DMD: variants seen among roughly 807,000 people sequenced by gnomAD.
DMD encodes the protein mutant dystrophin.
In DMD, 63 loss-of-function variants were observed where a neutral mutation model predicts 330.1. The ratio of observed to expected loss-of-function variants is 0.19; its 90% CI spans 0.16 to 0.24. The LOEUF is 0.24. DMD is among the 10% of genes least tolerant of loss of function. DMD has a pLI of 1.00. For missense variants in DMD, 3,344 were observed against 2,684.1 expected, an observed-to-expected ratio of 1.25 and a Z score of -5.43; for synonymous variants, 1,223 against 959.8, an observed-to-expected ratio of 1.27 and a Z score of -5.07.
chrX:31,496,043 A>C (rs749363925), intron 57 of DMD, among the ~76,000 whole-genome samples: 2 of 112,091 alleles, frequency 1.8e-5, no homozygotes, highest in African/African-American at 6.5e-5. Flanking sequence ...TGACAATAAG[A>C]ATTGTACTAC....
intron 21 of DMD, among the ~76,000 whole-genome samples, chrX:32,475,522 G>A (rs932618766): frequency 2.7e-5 from 3 of 111,554 alleles, no homozygotes; most frequent in Non-Finnish European, 5.7e-5. Context: ...TGTCATCTAT[G>A]ATTTCTTTCA....
chrX:31,927,949 A>T (rs1405832159), intron 47 of DMD, among the ~76,000 whole-genome samples: 1 of 112,291 alleles, frequency 8.9e-6, no homozygotes, highest in Non-Finnish European at 1.9e-5. Flanking sequence ...TCTAAAATTT[A>T]TTCAAAGAAC....
chrX:32,854,780 TACTC>T, intron 2 of DMD, among the ~76,000 whole-genome samples: 1 of 111,117 alleles, frequency 9.0e-6, no homozygotes, highest in Non-Finnish European at 1.9e-5. Context: ...AAACACCTAA[TACTC>T]AAACTATTGT....
At chrX:31,893,537 C>G (rs373064116) in intron 47 of DMD, among the ~76,000 whole-genome samples, 60 of 103,881 alleles carry the variant, frequency 5.8e-4, no homozygotes, top group African/African-American at 1.9e-3. Flanking sequence ...AAAGGAAGAG[C>G]TGTACTTGAA....
intron 1 of DMD, among the ~76,000 whole-genome samples, chrX:33,102,317 T>G (rs1348908082): frequency 7.2e-4 from 6 of 8,290 alleles, no homozygotes; most frequent in East Asian, 0.091. Flanking sequence ...GTTTTTTTTG[T>G]TTTTTTTTTT....
intron 18 of DMD, among the ~76,000 whole-genome samples, chrX:32,514,670 G>A (rs1334615340): frequency 1.8e-5 from 2 of 112,517 alleles, no homozygotes; most frequent in East Asian, 2.8e-4. Context: ...GAACCCGGGA[G>A]GCAGAGCTTG....
intron 61 of DMD, among the ~76,000 whole-genome samples, chrX:31,344,233 C>T (rs1485754651): frequency 1.8e-5 from 2 of 111,393 alleles, no homozygotes; most frequent in African/African-American, 3.3e-5. Flanking sequence ...AAAAGGCTTA[C>T]GAATGTAAAC....
At chrX:33,207,352 A>G (rs7884820) in intron 1 of DMD, among the ~76,000 whole-genome samples, 2,788 of 111,148 alleles carry the variant, frequency 0.025, 83 homozygotes, top group African/African-American at 0.087. Flanking sequence ...TATATGAGGG[A>G]AACAGACTTT....
intron 7 of DMD, among the ~76,000 whole-genome samples, chrX:32,763,084 C>T (rs893465586): frequency 9.0e-5 from 10 of 111,174 alleles, no homozygotes; most frequent in East Asian, 5.7e-4. Flanking sequence ...GGAGTGCTAC[C>T]GCTGTACACA....
At chrX:33,051,832 A>G (rs2094461876) in intron 1 of DMD, among the ~76,000 whole-genome samples, 1 of 108,760 alleles carries the variant, frequency 9.2e-6, no homozygotes, top group Non-Finnish European at 1.9e-5. Flanking sequence ...TATTTTTAGT[A>G]GAGACGGGGT....
intron 44 of DMD, chrX:32,205,961 C>T (rs150707121): frequency 0.015 from 6,103 of 406,814 alleles, 228 homozygotes; most frequent in African/African-American, 0.11. Context: ...AACTAAAGGC[C>T]GACAAAGATG....
intron 49 of DMD, among the ~76,000 whole-genome samples, chrX:31,834,948 C>T (rs1331585030): frequency 8.9e-6 from 1 of 111,739 alleles, no homozygotes; most frequent in Non-Finnish European, 1.9e-5. Context: ...AGCAACAGCT[C>T]CTGGTTCTTT....
Position 32,217,036 on chromosome X carries a change from C to A in DMD, c.6318G>T (p.Trp2106Cys). The A allele has an allele frequency of 8.3e-7, 1 of 1,209,695 alleles. No individual in the cohort carries two copies. Among genetic ancestry groups the A allele is most frequent in the Non-Finnish European group, 1.1e-6 (1 of 894,216 alleles). ...QGRFDRSVEK[W>C]RRFHYDIKIF... ...TCTTTATATCATAATGAAAACGCCG[C>A]CATTTCTCAACAGATCTGTCAAATC... Residue 2106 changes from tryptophan to cysteine, a missense_variant, in exon 44 of 79, where the codon TGG (tryptophan) becomes TGT (cysteine). By Grantham distance (215) the Trp-to-Cys change is radical. Transcript: ENST00000357033.
chrX:32,287,573 A>C lies in DMD; in HGVS notation c.6246T>G (p.Asp2082Glu). The C allele has an allele frequency of 8.3e-7, 1 of 1,211,288 alleles. No homozygotes were observed. The highest frequency in any genetic ancestry group is 1.1e-6 in the Non-Finnish European group (1 of 895,289). ...TTTTGTTAACTTTTTCCCATTGGAA[A>C]TCAAGCTGGGAGAGAGCTTCCTGTA... ...VKLQEALSQL[D>E]FQWEKVNKMY... The change falls in exon 43 of 79, where the codon GAT becomes GAG. Residue 2082 changes from aspartate to glutamate, a missense_variant. Physicochemically the swap from Asp to Glu is conservative, Grantham distance 45 (BLOSUM62 2). Transcript: ENST00000357033.
chrX:33,145,001 T>G (rs181202944), intron 1 of DMD, among the ~76,000 whole-genome samples: 1 of 112,044 alleles, frequency 8.9e-6, no homozygotes, highest in Non-Finnish European at 1.9e-5. Context: ...ACTAAGGTTC[T>G]TTTTTGCATA....
intron 44 of DMD, among the ~76,000 whole-genome samples, chrX:32,058,355 A>G (rs770921510): frequency 6.1e-4 from 68 of 110,636 alleles, no homozygotes; most frequent in African/African-American, 2.0e-3. Context: ...GTCAATATCT[A>G]AAATACATGA....
intron 67 of DMD, among the ~76,000 whole-genome samples, chrX:31,201,011 GATTTCCCCCCAGTCTCATAGAAAAC>G (rs2043376017): frequency 9.0e-6 from 1 of 111,726 alleles, no homozygotes; most frequent in African/African-American, 3.3e-5. Context: ...TATCTTGACT[GATTTCCCCCCAGTCTCATAGAAAAC>G]ATTTCAAGGC....
chrX:31,470,228 G>A (rs1421625555), intron 59 of DMD, among the ~76,000 whole-genome samples: 1 of 111,633 alleles, frequency 9.0e-6, no homozygotes, highest in African/African-American at 3.3e-5. Flanking sequence ...GAGAGGAGTT[G>A]TGATCATTTG....
At chrX:32,282,940 C>G (rs979166183) in intron 43 of DMD, among the ~76,000 whole-genome samples, 2 of 112,002 alleles carry the variant, frequency 1.8e-5, no homozygotes, top group Admixed American at 9.5e-5. Flanking sequence ...ATCTCTCCCC[C>G]CTTCCACTGT....
Sources: gnomAD v4.1 joint callset for allele counts (sites outside exome capture counted in the v4.1 genomes callset) on GRCh38, gnomAD v4.1.1 for gene constraint, MANE v1.5 for transcripts, NCBI Gene and HGNC (gene_info 2026-07-23, HGNC 2026-07-21) for gene names.